Variants in SUGP1 observed in about 807,000 individuals in gnomAD.
SUGP1 encodes SURP and G-patch domain containing 1, also known as SURP and G-patch domain-containing protein 1.
In SUGP1, 34 loss-of-function variants were observed where a neutral mutation model predicts 76.5. The observed-to-expected ratio is 0.44, with a 90% CI of 0.34 to 0.59. SUGP1 has a LOEUF of 0.59. Ranked by LOEUF, SUGP1 falls within the 20% of genes least tolerant of loss-of-function variation. The pLI is 0.01. For missense variants in SUGP1, 752 were observed against 851.7 expected, an observed-to-expected ratio of 0.88 and a Z score of 1.46; for synonymous variants, 326 against 326.2, an observed-to-expected ratio of 1.00 and a Z score of 0.01.
chr19:19,284,164 A>AATTTTTTGTGGCAATTTTT (rs1487785609), intron 8 of SUGP1, among the ~76,000 whole-genome samples: 1 of 152,184 alleles, frequency 6.6e-6, no homozygotes, highest in Non-Finnish European at 1.5e-5. Flanking sequence ...GCCACTAGTC[A>AATTTTTTGTGGCAATTTTT]AGTGACTGTA....
chr19:19,303,683 G>A (rs748522127), intron 5 of SUGP1, 41 bp downstream of exon 5: 29 of 1,608,112 alleles, frequency 1.8e-5, no homozygotes, highest in Admixed American at 1.2e-4. Flanking sequence ...TGCAGCAAAC[G>A]CATTCAACAG....
intron 8 of SUGP1, among the ~76,000 whole-genome samples, chr19:19,295,189 C>A (rs1173154932): frequency 6.6e-6 from 1 of 151,574 alleles, no homozygotes; most frequent in South Asian, 2.1e-4. Context: ...AGTTCAACAC[C>A]AGCCTGGTCA....
intron 12 of SUGP1, 137 bp from the exon 13 acceptor site, chr19:19,277,213 A>C (rs2146586997): frequency 1.6e-6 from 1 of 612,676 alleles, no homozygotes; most frequent in South Asian, 2.0e-5. Context: ...GAGAAGCTTG[A>C]ACCTGAATGG....
Position 19,297,319 on chromosome 19 carries a change from CT to C in SUGP1, c.912del (p.Tyr306ThrfsTer29). On this transcript the variant is annotated frameshift_variant, in exon 8 of 14. Coordinates refer to ENST00000247001, the MANE Select transcript of SUGP1 (RefSeq NM_172231.4). LOFTEE classifies it high-confidence loss of function. Reference sequence around the variant, plus strand: ...AGCTTCTGTCGGTAGTACTTGTACCCTTGGCTATTGGGCTCATACAGAAAGC... The same window carrying C: ...AGCTTCTGTCGGTAGTACTTGTACCCTGGCTATTGGGCTCATACAGAAAGC... ...AFSFLYEPNS[Q>X]GYKYYRQKLE... The C allele has an allele frequency of 6.6e-7, 1 of 1,523,986 alleles. No individual in the cohort carries two copies. The highest frequency in any genetic ancestry group is 8.8e-7 in the Non-Finnish European group (1 of 1,132,028). 94.4% of individuals were successfully genotyped at this position (1,523,986 alleles called of 1,614,324 possible). A position where few individuals can be genotyped will look rare whatever the true frequency, so the allele number is the denominator to read the frequency against.
At chr19:19,320,347 C>A (rs2061433634) in intron 1 of SUGP1, 116 bp downstream of exon 1, 3 of 1,159,116 alleles carry the variant, frequency 2.6e-6, no homozygotes, top group Non-Finnish European at 3.6e-6. Flanking sequence ...CTGTGGGCTG[C>A]CCCGGGGCTG....
At chr19:19,305,541 T>C (rs926306891) in intron 4 of SUGP1, 2 of 269,708 alleles carry the variant, frequency 7.4e-6, no homozygotes, top group East Asian at 1.5e-4. Context: ...GATGCCCTTT[T>C]GGAGCAAATG....
At position 19,297,323 on chromosome 19, in the gene SUGP1, G is replaced by A; in HGVS notation, c.909C>T (p.Ser303=). ...QAFSFLYEPN[S]QGYKYYRQKL... ...TCTGTCGGTAGTACTTGTACCCTTG[G>A]CTATTGGGCTCATACAGAAAGCTGC... Residue 303 remains serine, a synonymous_variant, in exon 8 of 14, where the codon AGC becomes AGT. Transcript: ENST00000247001. 6.6e-7 allele frequency: 1 copy of A among 1,520,630 alleles called. No homozygotes were observed. Among genetic ancestry groups the A allele is most frequent in the Non-Finnish European group, 8.8e-7 (1 of 1,130,882 alleles). The allele number at this position is 1,520,630 out of a possible 1,614,324, so 94.2% of individuals were successfully genotyped here. A position where few individuals can be genotyped will look rare whatever the true frequency, so the allele number is the denominator to read the frequency against.
Position 19,297,282 on chromosome 19 carries a change from CG to C in SUGP1, c.949del (p.Arg317GlyfsTer18). 1 of 1,553,342 alleles carries C rather than the reference CG, an allele frequency of 6.4e-7. No homozygotes were observed. The highest frequency in any genetic ancestry group is 8.7e-7 in the Non-Finnish European group (1 of 1,145,538). On this transcript the variant is annotated frameshift_variant, in exon 8 of 14. Coordinates refer to ENST00000247001, the MANE Select transcript of SUGP1 (RefSeq NM_172231.4). LOFTEE classifies it high-confidence loss of function. ...KYYRQKLEEF[R>X]KAKASSTGSF... is the part of the protein sequence containing the mutation. ...GCCTGTGGAGCTGGCCTTGGCTTTC[CG>C]GAACTCCTCCAGCTTCTGTCGGTAG...
At chr19:19,287,023 C>T (rs2061145827) in intron 8 of SUGP1, among the ~76,000 whole-genome samples, 3 of 152,116 alleles carry the variant, frequency 2.0e-5, no homozygotes, top group African/African-American at 7.2e-5. Context: ...GCCTGTAATC[C>T]CAGTACTTTG....
At position 19,282,524 on chromosome 19, in the gene SUGP1, G is replaced by A. The variant is rs76705058; in HGVS notation, c.1244-2233C>T. Among the ~76,000 whole-genome samples the A allele has an allele frequency of 3.4e-3, 512 of 151,826 alleles. 4 individuals are homozygous for A. Among genetic ancestry groups the A allele is most frequent in the African/African-American group, 0.011 (471 of 41,394 alleles). On this transcript the variant is annotated intron_variant, in intron 8 of 13. Coordinates refer to ENST00000247001, the MANE Select transcript of SUGP1 (RefSeq NM_172231.4). ...TCACTTCATGGAGGGGACCATTCTG[G>A]AAATGCATCATTAGGCGCCGTTACC...
intron 4 of SUGP1, 88 bp from the exon 5 acceptor site, chr19:19,303,935 G>T: frequency 6.2e-7 from 1 of 1,603,406 alleles, no homozygotes; most frequent in South Asian, 1.1e-5. Context: ...ACGACAGAGG[G>T]GGTGGGGGGA....
chr19:19,313,024 A>AT (rs1339061460), intron 2 of SUGP1, among the ~76,000 whole-genome samples: 1 of 151,792 alleles, frequency 6.6e-6, no homozygotes, highest in Non-Finnish European at 1.5e-5. Context: ...AAATAAATAA[A>AT]AAAAAACAAA....
At position 19,316,483 on chromosome 19, in the gene SUGP1, T is replaced by G; in HGVS notation, c.145A>C (p.Lys49Gln). Residue 49 changes from lysine (K) to glutamine (Q), a missense_variant, in exon 2 of 14, where the codon AAA (lysine) becomes CAA (glutamine). Transcript: ENST00000247001. ...IAQKKREIEA[K>Q]MEQKAKQNQV... ...TTCTGCTTGGCTTTCTGTTCCATTT[T>G]GGCTTCAATTTCCCGTTTCTTCTGA... The G allele has an allele frequency of 6.2e-7, 1 of 1,613,976 alleles. No individual in the cohort carries two copies. The highest frequency in any genetic ancestry group is 1.1e-5 in the South Asian group (1 of 91,072).
chr19:19,314,418 G>A (rs1325061586), intron 2 of SUGP1, among the ~76,000 whole-genome samples: 2 of 152,044 alleles, frequency 1.3e-5, no homozygotes, highest in South Asian at 2.1e-4. Flanking sequence ...AGAGTTATGA[G>A]TGACTTTGGT....
chr19:19,280,580 G>T, intron 8 of SUGP1: 1 of 395,868 alleles, frequency 2.5e-6, no homozygotes, highest in South Asian at 4.0e-5. Context: ...CTCACTCAGG[G>T]TCACACAGCT....
At chr19:19,307,659 T>TTTTTTTTTC (rs1161863714) in intron 3 of SUGP1, among the ~76,000 whole-genome samples, 39 of 145,450 alleles carry the variant, frequency 2.7e-4, no homozygotes, top group African/African-American at 9.5e-4. Flanking sequence ...GGTATTTTTC[T>TTTTTTTTTC]TTTTTTTTTT....
At position 19,276,947 on chromosome 19, in the gene SUGP1, CA is replaced by C; in HGVS notation, c.1910del (p.Leu637ArgfsTer105). 6.2e-7 allele frequency: 1 copy of C among 1,612,952 alleles called. No individual in the cohort carries two copies. The highest frequency in any genetic ancestry group is 8.5e-7 in the Non-Finnish European group (1 of 1,179,986). On this transcript the variant is annotated frameshift_variant and splice_region_variant, in exon 13 of 14. Transcript: ENST00000247001. LOFTEE classifies it high-confidence loss of function. ...AGGCAGCCCAGGAGGACATGCGTACCAGGGGGTTGGGCCGGAAGCGGTAGGC... is the reference window on the plus strand; with the variant it reads ...AGGCAGCCCAGGAGGACATGCGTACCGGGGGTTGGGCCGGAAGCGGTAGGC... The part of the protein sequence containing the change: ...MLAYRFRPNP[L>X]NNPRRPYY
rs1453857171 is a variant in SUGP1 at position 19,277,093 on chromosome 19, A to C, written c.1782-17T>G. On this transcript the variant is annotated splice_polypyrimidine_tract_variant and intron_variant, in intron 12 of 13. Coordinates refer to ENST00000247001, the MANE Select transcript of SUGP1 (RefSeq NM_172231.4). ...GTGGTGCCCCTACAGGGAGAAGAGG[A>C]TGTGAGCAGGGACCTGGGGCCAGAA... 1 of 1,603,358 alleles carries C rather than the reference A, an allele frequency of 6.2e-7. No homozygotes were observed.
intron 8 of SUGP1, among the ~76,000 whole-genome samples, chr19:19,289,006 G>A (rs1599851182): frequency 6.6e-6 from 1 of 151,568 alleles, no homozygotes; most frequent in African/African-American, 2.4e-5. Context: ...GGCTGGTCTC[G>A]GACTCCTGAC....
Sources: allele counts gnomAD v4.1 joint callset (sites outside exome capture counted in the v4.1 genomes callset), GRCh38; gene constraint gnomAD v4.1.1; transcripts MANE v1.5; gene names NCBI Gene and HGNC (gene_info 2026-07-23, HGNC 2026-07-21).